Variants in NBEA observed in about 807,000 individuals in gnomAD.
The protein encoded by NBEA is neurobeachin.
A neutral mutation model predicts 343.4 loss-of-function variants in NBEA; 44 were observed. That is an observed-to-expected ratio of 0.13 (90% CI 0.10 to 0.16). NBEA has a LOEUF of 0.16. NBEA is among the 10% of genes least tolerant of loss of function. The pLI is 1.00. For synonymous variants in NBEA, 1,175 were observed against 1,238.7 expected (o/e 0.95, Z 1.08); for missense variants, 2,555 against 3,631.3 (o/e 0.70, Z 7.62).
chr13:35,223,423 A>C (rs2074484210), intron 33 of NBEA, among the ~76,000 whole-genome samples: 1 of 152,168 alleles, frequency 6.6e-6, no homozygotes. Flanking sequence ...TTGTGGACTT[A>C]TGTAATTTTA....
chr13:35,489,559 T>C (rs1448935326), intron 41 of NBEA, among the ~76,000 whole-genome samples: 3 of 151,978 alleles, frequency 2.0e-5, no homozygotes, highest in Admixed American at 2.0e-4. Context: ...TAGCATTGTG[T>C]TGATACAGCT....
chr13:35,499,483 G>A (rs940856080), intron 41 of NBEA, among the ~76,000 whole-genome samples: 5 of 151,950 alleles, frequency 3.3e-5, no homozygotes, highest in African/African-American at 9.7e-5. Context: ...TTCTCATGTG[G>A]GGAATAATAG....
chr13:35,438,003 A>G (rs1204125108), intron 39 of NBEA, among the ~76,000 whole-genome samples: 3 of 152,142 alleles, frequency 2.0e-5, no homozygotes, highest in East Asian at 1.9e-4. Flanking sequence ...CAGTGGAACA[A>G]TGTTTCATCA....
rs572291900 is a variant in NBEA at position 35,613,043 on chromosome 13, G to T, written c.7449+6465G>T. On this transcript the variant is annotated intron_variant, in intron 48 of 58. Coordinates refer to ENST00000379939, the MANE Select transcript of NBEA (RefSeq NM_001385012.1). ...TCCATCACCTCAAATATTTATCATT[G>T]CTTTGTGGTAAGAACATTTAAAATA... Among the ~76,000 whole-genome samples the T allele has an allele frequency of 2.1e-3, 320 of 150,782 alleles. 1 individual carries two copies. The highest frequency in any genetic ancestry group is 7.4e-3 in the African/African-American group (306 of 41,264).
chr13:35,002,050 A>G (rs1271400109), intron 1 of NBEA, among the ~76,000 whole-genome samples: 1 of 152,184 alleles, frequency 6.6e-6, no homozygotes, highest in African/African-American at 2.4e-5. Context: ...AGGAATGGTT[A>G]AAGGAAAGAT....
chr13:35,301,024 A>C (rs549762016), intron 35 of NBEA, among the ~76,000 whole-genome samples: 4 of 152,146 alleles, frequency 2.6e-5, no homozygotes, highest in African/African-American at 9.7e-5. Context: ...TAAAAACCAC[A>C]TGCAATCCTA....
chr13:35,544,372 AT>A (rs201364963), intron 41 of NBEA, among the ~76,000 whole-genome samples: 1 of 152,104 alleles, frequency 6.6e-6, no homozygotes, highest in African/African-American at 2.4e-5. Context: ...CTAAACAAGT[AT>A]TTTTTTAAGT....
At chr13:35,340,433 A>T (rs1288535045) in intron 36 of NBEA, among the ~76,000 whole-genome samples, 1 of 152,092 alleles carries the variant, frequency 6.6e-6, no homozygotes, top group Non-Finnish European at 1.5e-5. Flanking sequence ...AAGTGGGATG[A>T]TGGTGGCCAA....
At chr13:34,957,808 A>T (rs73490330) in intron 1 of NBEA, among the ~76,000 whole-genome samples, 2,379 of 152,274 alleles carry the variant, frequency 0.016, 68 homozygotes, top group African/African-American at 0.054. Context: ...AGTCCTAGCT[A>T]ATCTTAAATA....
At chr13:35,512,620 T>C (rs1321903035) in intron 41 of NBEA, among the ~76,000 whole-genome samples, 1 of 152,222 alleles carries the variant, frequency 6.6e-6, no homozygotes, top group Non-Finnish European at 1.5e-5. Flanking sequence ...CTGAGTCTTA[T>C]CTTGGCTCCC....
chr13:35,317,520 G>A (rs1204545334), intron 36 of NBEA, among the ~76,000 whole-genome samples: 1 of 152,156 alleles, frequency 6.6e-6, no homozygotes, highest in Non-Finnish European at 1.5e-5. Context: ...TTGTAGTATA[G>A]TTTGAAGTCA....
intron 40 of NBEA, among the ~76,000 whole-genome samples, chr13:35,454,746 G>C (rs923700037): frequency 7.2e-5 from 11 of 152,208 alleles, no homozygotes; most frequent in Admixed American, 1.3e-4. Flanking sequence ...TGTAGTCCCA[G>C]CTACTCGGGA....
intron 17 of NBEA, among the ~76,000 whole-genome samples, chr13:35,137,341 T>G (rs2067796320): frequency 6.6e-6 from 1 of 151,358 alleles, no homozygotes; most frequent in Non-Finnish European, 1.5e-5. Flanking sequence ...TCCCAGCTAC[T>G]GGGGAGACTG....
intron 1 of NBEA, among the ~76,000 whole-genome samples, chr13:34,976,352 C>G (rs1010771795): frequency 8.5e-5 from 13 of 152,086 alleles, no homozygotes; most frequent in African/African-American, 2.9e-4. Context: ...TGTTCTCACT[C>G]ATATGTGAGA....
At chr13:35,110,271 A>G (rs1471045197) in intron 12 of NBEA, among the ~76,000 whole-genome samples, 1 of 147,698 alleles carries the variant, frequency 6.8e-6, no homozygotes, top group South Asian at 2.1e-4. Context: ...ATCTTTGACA[A>G]CTCTTTTAAC....
intron 38 of NBEA, among the ~76,000 whole-genome samples, chr13:35,424,130 G>A (rs1226035015): frequency 5.9e-5 from 9 of 151,838 alleles, no homozygotes; most frequent in Non-Finnish European, 1.3e-4. Flanking sequence ...TTCCTAATCG[G>A]ATACCTTTAT....
chr13:35,403,713 A>G (rs1409248257), intron 38 of NBEA, among the ~76,000 whole-genome samples: 3 of 151,746 alleles, frequency 2.0e-5, no homozygotes, highest in African/African-American at 7.2e-5. Flanking sequence ...TTCATGTCTA[A>G]AACACCAAAA....
chr13:35,370,511 G>T (rs377334084), intron 38 of NBEA, among the ~76,000 whole-genome samples: 8 of 151,956 alleles, frequency 5.3e-5, no homozygotes, highest in African/African-American at 1.4e-4. Context: ...ATTTTAAGTG[G>T]AATGTGTAAT....
At chr13:35,293,909 A>G (rs1027822620) in intron 35 of NBEA, among the ~76,000 whole-genome samples, 2 of 152,044 alleles carry the variant, frequency 1.3e-5, no homozygotes, top group Non-Finnish European at 2.9e-5. Context: ...CATTTTATAA[A>G]TTGAGAAACT....
Sources: gnomAD v4.1 joint callset for allele counts (sites outside exome capture counted in the v4.1 genomes callset) on GRCh38, gnomAD v4.1.1 for gene constraint, MANE v1.5 for transcripts, NCBI Gene and HGNC (gene_info 2026-07-23, HGNC 2026-07-21) for gene names.